Variants in FANCC observed in about 807,000 individuals in gnomAD.
FANCC encodes the protein FA complementation group C.
Under a neutral mutation model 71.3 loss-of-function variants are expected in FANCC, and 55 were observed. The ratio of observed to expected loss-of-function variants is 0.77; its 90% CI spans 0.62 to 0.97. FANCC has a LOEUF of 0.97. Ranked by LOEUF, FANCC falls within the 50% of genes least tolerant of loss-of-function variation. The pLI, the probability that FANCC is intolerant of heterozygous loss-of-function variation, is 0.00. For synonymous variants in FANCC, 275 were observed against 244.9 expected (o/e 1.12, Z -1.15); for missense variants, 678 against 670.9 (o/e 1.01, Z -0.12).
At chr9:95,142,790 G>A (rs760168298) in intron 7 of FANCC, among the ~76,000 whole-genome samples, 10 of 152,278 alleles carry the variant, frequency 6.6e-5, no homozygotes, top group Admixed American at 4.6e-4. Flanking sequence ...AGTGGTCAGA[G>A]ACTCGTATGT....
intron 7 of FANCC, among the ~76,000 whole-genome samples, chr9:95,143,432 G>A (rs1829063801): frequency 6.6e-6 from 1 of 152,130 alleles, no homozygotes; most frequent in Non-Finnish European, 1.5e-5. Context: ...CCATCCCGAG[G>A]CTATCTGGGG....
intron 4 of FANCC, among the ~76,000 whole-genome samples, chr9:95,201,033 T>G (rs1390633111): frequency 6.6e-6 from 1 of 152,196 alleles, no homozygotes; most frequent in Non-Finnish European, 1.5e-5. Flanking sequence ...AAAGCAAATC[T>G]CTATAATGAA....
intron 1 of FANCC, among the ~76,000 whole-genome samples, chr9:95,252,766 C>T (rs1456584649): frequency 7.0e-6 from 1 of 143,358 alleles, no homozygotes; most frequent in Non-Finnish European, 1.5e-5. Context: ...AAAAAAAATG[C>T]AGGCCTGGAA....
intron 4 of FANCC, among the ~76,000 whole-genome samples, chr9:95,219,130 C>T (rs1829066259): frequency 6.6e-6 from 1 of 152,124 alleles, no homozygotes; most frequent in African/African-American, 2.4e-5. Context: ...CACTTTGGAT[C>T]TCAGGTTGAA....
chr9:95,171,181 C>A (rs1188163287), intron 5 of FANCC, 38 bp from the exon 6 acceptor site: 1 of 1,483,010 alleles, frequency 6.7e-7, no homozygotes, highest in Non-Finnish European at 9.4e-7. Flanking sequence ...ACTCACGCTG[C>A]AAACAGGATT....
intron 6 of FANCC, among the ~76,000 whole-genome samples, chr9:95,156,961 C>T (rs534277595): frequency 6.6e-6 from 1 of 152,320 alleles, no homozygotes; most frequent in South Asian, 2.1e-4. Flanking sequence ...CACAGCATAA[C>T]AGGCAAACTA....
Position 95,111,473 on chromosome 9 carries a change from GCT to G in FANCC, c.1317_1318del (p.Arg439SerfsTer78). On this transcript the variant is annotated frameshift_variant, in exon 13 of 15. Transcript: ENST00000289081. LOFTEE classifies it high-confidence loss of function. ...GGGCCTGCTACCCACCATAGTCTGT[GCT>G]CTCTGCTGCCTCCCATCACGGGGGC... 1 of 1,613,132 alleles carries G rather than the reference GCT, an allele frequency of 6.2e-7. No homozygotes were observed. Among genetic ancestry groups the G allele is most frequent in the Non-Finnish European group, 8.5e-7 (1 of 1,180,014 alleles).
At chr9:95,294,749 C>T in intron 1 of FANCC, 1 of 1,593,834 alleles carries the variant, frequency 6.3e-7, no homozygotes, top group Middle Eastern at 1.7e-4. Flanking sequence ...ATGATGGAGT[C>T]TCAGTTCAGC....
chr9:95,203,158 A>G (rs549124781), intron 4 of FANCC, among the ~76,000 whole-genome samples: 1 of 152,252 alleles, frequency 6.6e-6, no homozygotes, highest in Non-Finnish European at 1.5e-5. Flanking sequence ...GAACTTTGGG[A>G]GGCTGAAGTG....
At chr9:95,204,492 A>G (rs1827995961) in intron 4 of FANCC, among the ~76,000 whole-genome samples, 1 of 152,252 alleles carries the variant, frequency 6.6e-6, no homozygotes, top group Non-Finnish European at 1.5e-5. Flanking sequence ...AAGAACTTTC[A>G]AAACACAATT....
Position 95,101,629 on chromosome 9 carries a change from G to C in FANCC, c.*78C>G. ...AGGGCACTTACTCCACAAATGCGTG[G>C]CCACAGGTCATCACCTGTCCTGTGG... On this transcript the variant is annotated 3_prime_UTR_variant, in exon 15 of 15. Coordinates refer to ENST00000289081, the MANE Select transcript of FANCC (RefSeq NM_000136.3). 6.3e-7 allele frequency: 1 copy of C among 1,578,720 alleles called. No homozygotes were observed. Among genetic ancestry groups the C allele is most frequent in the Non-Finnish European group, 8.6e-7 (1 of 1,156,144 alleles).
At position 95,139,598 on chromosome 9, in the gene FANCC, G is replaced by A. The variant is rs535589625; in HGVS notation, c.687-4096C>T. On this transcript the variant is annotated intron_variant, in intron 7 of 14. Coordinates refer to ENST00000289081, the MANE Select transcript of FANCC (RefSeq NM_000136.3). ...CAAATGAGCTGGATCTGTGTCCTGC[G>A]AGGGGTATTTAAGACACGCTGGTTA... Among the ~76,000 whole-genome samples the A allele has an allele frequency of 7.9e-5, 12 of 152,106 alleles. No homozygotes were observed. The South Asian group carries it at 1.2e-3, about 16-fold the overall frequency.
At chr9:95,170,679 T>TGTGTGTGTGTGTGTGTGTGTGTG (rs1554842441) in intron 6 of FANCC, among the ~76,000 whole-genome samples, 25 of 144,632 alleles carry the variant, frequency 1.7e-4, no homozygotes, top group South Asian at 4.4e-4. Flanking sequence ...TGTGTGTGTG[T>TGTGTGTGTGTGTGTGTGTGTGTG]TGGGAGCAGA....
At chr9:95,114,248 C>T in intron 12 of FANCC, 1 of 341,380 alleles carries the variant, frequency 2.9e-6, no homozygotes. Flanking sequence ...GGGAAGACCA[C>T]AGGACCCAAA....
intron 10 of FANCC, chr9:95,123,897 G>A: frequency 2.1e-6 from 1 of 485,642 alleles, no homozygotes; most frequent in South Asian, 1.8e-5. Context: ...TCTGAAGACG[G>A]ACTATTCTCT....
intron 4 of FANCC, among the ~76,000 whole-genome samples, chr9:95,193,062 A>G (rs1424432113): frequency 2.6e-5 from 4 of 152,234 alleles, no homozygotes. Context: ...ACAAGAGTTG[A>G]GGTGGCTGCC....
At chr9:95,182,755 C>G (rs1474006718) in intron 4 of FANCC, among the ~76,000 whole-genome samples, 2 of 152,050 alleles carry the variant, frequency 1.3e-5, no homozygotes, top group Non-Finnish European at 2.9e-5. Context: ...TGAGTTCCAA[C>G]TGCTGGGTTC....
intron 1 of FANCC, among the ~76,000 whole-genome samples, chr9:95,304,837 T>A (rs1055893444): frequency 6.6e-6 from 1 of 151,542 alleles, no homozygotes; most frequent in Non-Finnish European, 1.5e-5. Context: ...GTGTCCTTTA[T>A]GCTGATGGAA....
At position 95,254,118 on chromosome 9, in the gene FANCC, G is replaced by A. The variant is rs550517457; in HGVS notation, c.-78-4749C>T. Among the ~76,000 whole-genome samples, 5 of 152,324 alleles carry A rather than the reference G, an allele frequency of 3.3e-5. No individual in the cohort carries two copies. In the South Asian group the frequency reaches 1.0e-3, roughly 32 times the overall value. On this transcript the variant is annotated intron_variant, in intron 1 of 14. Coordinates refer to ENST00000289081, the MANE Select transcript of FANCC (RefSeq NM_000136.3). ...AAGGAAGATGTGCTATTGGGAAGGT[G>A]TGCAAGAATGGCACCAAGATGCTGG...
Sources: gnomAD v4.1 joint callset for allele counts (sites outside exome capture counted in the v4.1 genomes callset) on GRCh38, gnomAD v4.1.1 for gene constraint, MANE v1.5 for transcripts, NCBI Gene and HGNC (gene_info 2026-07-23, HGNC 2026-07-21) for gene names.